PDLIM4: variants seen among roughly 807,000 people sequenced by gnomAD.
PDLIM4 encodes the protein PDZ and LIM domain protein 4.
Under a neutral mutation model 31.3 loss-of-function variants are expected in PDLIM4, and 19 were observed. The observed-to-expected ratio is 0.61, with a 90% confidence interval of 0.42 to 0.89. The LOEUF (loss-of-function observed/expected upper bound fraction) is 0.89. Among genes scored for constraint, PDLIM4 ranks in the 40% least tolerant of loss-of-function variants. PDLIM4 has a pLI of 0.00. For synonymous variants in PDLIM4, 176 were observed against 190.1 expected (o/e 0.93, Z 0.61); for missense variants, 442 against 461.1 (o/e 0.96, Z 0.38).
intron 1 of PDLIM4, among the ~76,000 whole-genome samples, chr5:132,259,176 C>G (rs1480416998): frequency 7.9e-6 from 1 of 125,968 alleles, no homozygotes; most frequent in Admixed American, 8.0e-5. Flanking sequence ...TGTACGCAAG[C>G]CTGTGTCTGC....
At chr5:132,271,508 C>T (rs1366953130) in intron 5 of PDLIM4, 42 bp downstream of exon 5, 3 of 1,596,708 alleles carry the variant, frequency 1.9e-6, no homozygotes, top group East Asian at 4.5e-5. Context: ...TTCCCACTCC[C>T]TGCAGTGCCC....
chr5:132,265,661 G>A (rs1171716750), intron 2 of PDLIM4, among the ~76,000 whole-genome samples: 1 of 152,224 alleles, frequency 6.6e-6, no homozygotes, highest in African/African-American at 2.4e-5. Context: ...GAAGCCTCAG[G>A]AGGCTTCGTG....
In PDLIM4 at chr5:132,272,981, C is replaced by T. The variant is rs993408899; in HGVS notation, c.*752C>T. Reference sequence around the variant, plus strand: ...AGGAAGGTTTAGAAAGAAAAGAACACTTGCCCAGGGCAGCTTTGCCCTCCA... The same window carrying T: ...AGGAAGGTTTAGAAAGAAAAGAACATTTGCCCAGGGCAGCTTTGCCCTCCA... On this transcript the variant is annotated 3_prime_UTR_variant, in exon 7 of 7. Transcript: ENST00000253754. The T allele has an allele frequency of 1.3e-5, 2 of 152,504 alleles. No individual in the cohort carries two copies. The highest frequency in any genetic ancestry group is 4.8e-5 in the African/African-American group (2 of 41,442). The allele number at this position is 152,504 out of a possible 1,614,324, so 9.4% of individuals were successfully genotyped here.
chr5:132,271,584 C>T (rs929176703), intron 5 of PDLIM4, 118 bp downstream of exon 5: 17 of 1,141,708 alleles, frequency 1.5e-5, no homozygotes, highest in Middle Eastern at 1.9e-4. Context: ...CTCTGCGGCC[C>T]GGTCCCACGC....
chr5:132,261,765 G>A (rs754613684), intron 1 of PDLIM4, among the ~76,000 whole-genome samples: 30 of 152,190 alleles, frequency 2.0e-4, no homozygotes, highest in Admixed American at 5.2e-4. Flanking sequence ...TTCCTGTCCT[G>A]CAGGGGAAGT....
intron 3 of PDLIM4, among the ~76,000 whole-genome samples, chr5:132,270,146 C>T (rs1756573079): frequency 6.6e-6 from 1 of 152,194 alleles, no homozygotes; most frequent in South Asian, 2.1e-4. Flanking sequence ...AGAGATACTG[C>T]CCTCTCCTCA....
intron 2 of PDLIM4, among the ~76,000 whole-genome samples, chr5:132,263,147 C>T (rs1756414253): frequency 2.0e-5 from 3 of 152,010 alleles, no homozygotes; most frequent in Non-Finnish European, 4.4e-5. Flanking sequence ...CCTCATTTAC[C>T]AACTTAAAAA....
intron 3 of PDLIM4, chr5:132,270,417 G>A (rs531413741): frequency 6.3e-6 from 1 of 158,002 alleles, no homozygotes; most frequent in Non-Finnish European, 1.4e-5. Context: ...TGACAGTCAA[G>A]GACCCTTTCT....
intron 3 of PDLIM4, among the ~76,000 whole-genome samples, chr5:132,268,070 C>A (rs1756529887): frequency 6.6e-6 from 1 of 152,064 alleles, no homozygotes; most frequent in Admixed American, 6.6e-5. Flanking sequence ...GGCCGGTGGG[C>A]CTGGGAGGCT....
chr5:132,271,238 C>A, intron 4 of PDLIM4, 65 bp from the exon 5 acceptor site: 1 of 1,532,300 alleles, frequency 6.5e-7, no homozygotes, highest in Non-Finnish European at 8.9e-7. Flanking sequence ...CTTACCAGAC[C>A]CCAAGTCCAC....
rs1340790859 is a variant in PDLIM4, at chr5:132,271,456, C to T, written c.660C>T (p.Ala220=). The T allele has an allele frequency of 3.1e-6, 5 of 1,608,232 alleles. No homozygotes were observed. The highest frequency in any genetic ancestry group is 1.3e-5 in the African/African-American group (1 of 74,932). ...SFRYLQGMLE[A]GEGGDWPGPG... ...GCTACTTGCAGGGCATGCTAGAGGCCGGCGAGGGCGGTAAGACGCCTGCCA... is the reference window on the plus strand; with the variant it reads ...GCTACTTGCAGGGCATGCTAGAGGCTGGCGAGGGCGGTAAGACGCCTGCCA... Residue 220 remains alanine, a synonymous_variant, in exon 5 of 7, where the codon GCC becomes GCT. Transcript: ENST00000253754.
chr5:132,266,458 CCA>C lies in PDLIM4; in HGVS notation c.246-3_246-2del. 6.2e-7 allele frequency: 1 copy of C among 1,602,784 alleles called. No individual in the cohort carries two copies. The highest frequency in any genetic ancestry group is 8.5e-7 in the Non-Finnish European group (1 of 1,169,848). On this transcript the variant is annotated splice_polypyrimidine_tract_variant and splice_region_variant and intron_variant, in intron 2 of 6. Transcript: ENST00000253754. The stretch of plus-strand genomic sequence containing the variant: ...ACATATCTGACCATCACAATTTCTG[CCA>C]CAGGCCTGAGGGTAGGAGCTGGCCC...
At chr5:132,266,793 G>A (rs1230509998) in intron 3 of PDLIM4, 1 of 382,822 alleles carries the variant, frequency 2.6e-6, no homozygotes, top group African/African-American at 2.1e-5. Flanking sequence ...TGCCTATGAT[G>A]TCCAGGATCT....
In PDLIM4 at chr5:132,272,458, T is replaced by A; in HGVS notation, c.*229T>A. ...GTAGTGAGCAGGACGGGTACCATGCTGCCCTGAAGGGGGCCACAGCCTGGG... is the reference window on the plus strand; with the variant it reads ...GTAGTGAGCAGGACGGGTACCATGCAGCCCTGAAGGGGGCCACAGCCTGGG... On this transcript the variant is annotated 3_prime_UTR_variant, in exon 7 of 7. Transcript: ENST00000253754. The A allele has an allele frequency of 1.8e-6, 1 of 569,828 alleles. No homozygotes were observed. 35.3% of individuals were successfully genotyped at this position (569,828 alleles called of 1,614,324 possible). A position where few individuals can be genotyped will look rare whatever the true frequency, so the allele number is the denominator to read the frequency against.
At position 132,270,971 on chromosome 5, in the gene PDLIM4, T is replaced by C. The variant is rs113380082; in HGVS notation, c.384T>C (p.Asp128=). The change falls in exon 4 of 7, where the codon GAT becomes GAC. Residue 128 remains aspartate, a synonymous_variant. Coordinates refer to ENST00000253754, the MANE Select transcript of PDLIM4 (RefSeq NM_003687.4). The stretch of plus-strand genomic sequence containing the variant: ...CAGGCACCGGGACTGGGCCAGAAGA[T>C]GGCAGACCAAGCCTGGGATCTCCAT... ...RPSGTGTGPE[D]GRPSLGSPYG... The C allele has an allele frequency of 5.7e-5, 92 of 1,614,008 alleles. No individual in the cohort carries two copies. In the African/African-American group the frequency reaches 1.1e-3, roughly 19 times the overall value.
chr5:132,263,793 ATGG>A (rs1369348678), intron 2 of PDLIM4, among the ~76,000 whole-genome samples: 1 of 152,146 alleles, frequency 6.6e-6, no homozygotes, highest in Non-Finnish European at 1.5e-5. Flanking sequence ...GCCTTTAAAC[ATGG>A]TGGAGAGGCC....
Position 132,273,382 on chromosome 5 carries a change from A to G in PDLIM4, c.*1153A>G, listed in dbSNP as rs924678949. 2.6e-5 allele frequency: 4 copies of G among 152,220 alleles called. No homozygotes were observed. Among genetic ancestry groups the G allele is most frequent in the Non-Finnish European group, 5.9e-5 (4 of 68,050 alleles). 9.4% of individuals were successfully genotyped at this position (152,220 alleles called of 1,614,324 possible). A position where few individuals can be genotyped will look rare whatever the true frequency, so the allele number is the denominator to read the frequency against. On this transcript the variant is annotated 3_prime_UTR_variant, in exon 7 of 7. Transcript: ENST00000253754. ...AGACCCATTTCCTTGTGCTCCTGCC[A>G]GCTCAGGATATTATGTTTCTTTTTT...
chr5:132,265,170 C>A (rs1404663497), intron 2 of PDLIM4, among the ~76,000 whole-genome samples: 1 of 152,194 alleles, frequency 6.6e-6, no homozygotes, highest in Non-Finnish European at 1.5e-5. Flanking sequence ...AAGAGCCCAG[C>A]CTGGGATGGG....
chr5:132,259,189 G>A (rs1419716278), intron 1 of PDLIM4, among the ~76,000 whole-genome samples: 2 of 151,442 alleles, frequency 1.3e-5, no homozygotes, highest in African/African-American at 4.9e-5. Context: ...GTGTCTGCTT[G>A]TGTGTGTCAT....
Sources: gnomAD v4.1 joint callset for allele counts (sites outside exome capture counted in the v4.1 genomes callset) on GRCh38, gnomAD v4.1.1 for gene constraint, MANE v1.5 for transcripts, NCBI Gene and HGNC (gene_info 2026-07-23, HGNC 2026-07-21) for gene names.